RASGRF1: variants seen among roughly 807,000 people sequenced by gnomAD.
The protein encoded by RASGRF1 is ras-specific guanine nucleotide-releasing factor 1.
In RASGRF1, 40 loss-of-function variants were observed where a neutral mutation model predicts 138.7. The ratio of observed to expected loss-of-function variants is 0.29; its 90% CI spans 0.22 to 0.38. RASGRF1 has a LOEUF of 0.38. RASGRF1 is among the 10% of genes least tolerant of loss of function. The pLI, the probability that RASGRF1 is intolerant of heterozygous loss-of-function variation, is 1.00. For synonymous variants in RASGRF1, 614 were observed against 663.2 expected, an observed-to-expected ratio of 0.93 and a Z score of 1.14; for missense variants, 1,108 against 1,650.4, an observed-to-expected ratio of 0.67 and a Z score of 5.69.
At chr15:79,033,336 G>A (rs778725679) in intron 6 of RASGRF1, among the ~76,000 whole-genome samples, 41 of 151,726 alleles carry the variant, frequency 2.7e-4, no homozygotes, top group Admixed American at 1.6e-3. Context: ...TCTGCCTCCC[G>A]TGTTCAAGTG....
intron 24 of RASGRF1, chr15:78,980,286 G>C (rs2055993671): frequency 2.1e-5 from 4 of 194,140 alleles, no homozygotes; most frequent in Middle Eastern, 3.8e-3. Context: ...GACGTCTCCT[G>C]ATGTCAGAAT....
intron 8 of RASGRF1, among the ~76,000 whole-genome samples, chr15:79,028,499 C>T (rs751455841): frequency 3.9e-5 from 6 of 152,072 alleles, no homozygotes; most frequent in Non-Finnish European, 8.8e-5. Flanking sequence ...ATAGACAACT[C>T]CCCTATTTCG....
At chr15:79,078,239 G>GC (rs775674069) in intron 1 of RASGRF1, among the ~76,000 whole-genome samples, 6 of 151,066 alleles carry the variant, frequency 4.0e-5, no homozygotes, top group East Asian at 3.9e-4. Context: ...ACCCATATAG[G>GC]CCCCCCCGGC....
At chr15:79,079,997 G>C (rs931740884) in intron 1 of RASGRF1, among the ~76,000 whole-genome samples, 1 of 152,194 alleles carries the variant, frequency 6.6e-6, no homozygotes, top group East Asian at 1.9e-4. Flanking sequence ...ACTCATGGGG[G>C]CATGCCCTAT....
intron 5 of RASGRF1, among the ~76,000 whole-genome samples, chr15:79,045,048 C>CA (rs1320713220): frequency 2.6e-5 from 4 of 151,950 alleles, no homozygotes; most frequent in South Asian, 2.1e-4. Flanking sequence ...GCCTAAAATG[C>CA]AAAAAAAGCA....
At chr15:79,015,260 GGCTGTC>G in intron 13 of RASGRF1, 61 bp downstream of exon 13, 1 of 1,488,662 alleles carries the variant, frequency 6.7e-7, no homozygotes. Flanking sequence ...CCAGTGTCCT[GGCTGTC>G]ACCTTGTGGT....
At chr15:79,011,597 A>G (rs1283947075) in intron 13 of RASGRF1, among the ~76,000 whole-genome samples, 4 of 152,192 alleles carry the variant, frequency 2.6e-5, no homozygotes, top group Non-Finnish European at 5.9e-5. Flanking sequence ...ACTGACGGCT[A>G]CAGCTGTGGC....
chr15:79,038,160 A>T (rs1440256390), intron 5 of RASGRF1, among the ~76,000 whole-genome samples: 1 of 151,986 alleles, frequency 6.6e-6, no homozygotes, highest in Non-Finnish European at 1.5e-5. Context: ...GGGATTGGGG[A>T]CCCCTGATAT....
At chr15:79,018,859 G>A (rs2056918256) in intron 11 of RASGRF1, among the ~76,000 whole-genome samples, 1 of 152,090 alleles carries the variant, frequency 6.6e-6, no homozygotes, top group South Asian at 2.1e-4. Context: ...AGAGTTTTGG[G>A]GCCTGACAGT....
intron 2 of RASGRF1, 106 bp downstream of exon 2, chr15:79,064,314 T>C: frequency 9.6e-7 from 1 of 1,040,332 alleles, no homozygotes; most frequent in African/African-American, 1.6e-5. Flanking sequence ...TCCTTTCCCA[T>C]GCCCTCCACT....
In RASGRF1 at chr15:79,031,976, T is replaced by C. The variant is rs971070521; in HGVS notation, c.1152+147A>G. On this transcript the variant is annotated intron_variant, in intron 7 of 26. Transcript: ENST00000558480. ...CAGTCAGCTTGCCCTGCACCCAGCA[T>C]TGTCGGCTGCTGGCCCTGACCACCT... 21 of 991,854 alleles carry C rather than the reference T, an allele frequency of 2.1e-5. 1 individual carries two copies. In the East Asian group the frequency reaches 5.3e-4, roughly 25 times the overall value. The allele number at this position is 991,854 out of a possible 1,614,324, so 61.4% of individuals were successfully genotyped here. A position where few individuals can be genotyped will look rare whatever the true frequency, so the allele number is the denominator to read the frequency against.
chr15:78,971,987 C>T, intron 25 of RASGRF1, 53 bp from the exon 26 acceptor site: 4 of 1,468,786 alleles, frequency 2.7e-6, no homozygotes, highest in Non-Finnish European at 3.8e-6. Context: ...TAGTTCCACC[C>T]CCAACTTTGC....
At position 78,973,122 on chromosome 15, in the gene RASGRF1, A is replaced by G. The variant is rs2055802740; in HGVS notation, c.3612+181T>C. ...GTGAAAGCATGGCTCAGGGCCTGCC[A>G]GATTCTAACTGCTCATCAATGATAG... On this transcript the variant is annotated intron_variant, in intron 25 of 26. Transcript: ENST00000558480. This position sits in a 1 kb window ranked among gnomAD's most constrained non-coding sequence, Gnocchi z 4.9. 6.6e-6 allele frequency among the ~76,000 whole-genome samples: 1 copy of G among 152,154 alleles called. No individual in the cohort carries two copies. Among genetic ancestry groups the G allele is most frequent in the Admixed American group, 6.5e-5 (1 of 15,280 alleles).
At chr15:79,048,252 C>T (rs1054950196) in intron 4 of RASGRF1, among the ~76,000 whole-genome samples, 1 of 152,100 alleles carries the variant, frequency 6.6e-6, no homozygotes, top group Non-Finnish European at 1.5e-5. Flanking sequence ...GTGCGTGAGG[C>T]TAGCTGGGGG....
intron 11 of RASGRF1, among the ~76,000 whole-genome samples, chr15:79,019,298 T>C (rs2056925254): frequency 6.6e-6 from 1 of 152,122 alleles, no homozygotes; most frequent in Admixed American, 6.5e-5. Context: ...GGGAAATGAG[T>C]GCCAACTTTG....
chr15:79,075,368 G>C (rs1265387486), intron 1 of RASGRF1, among the ~76,000 whole-genome samples: 1 of 152,148 alleles, frequency 6.6e-6, no homozygotes, highest in Non-Finnish European at 1.5e-5. Flanking sequence ...GGCGGTGCCT[G>C]AGCTCCAGCG....
chr15:79,027,723 A>T lies in RASGRF1; in HGVS notation c.1381+18T>A. 2 of 1,610,564 alleles carry T rather than the reference A, an allele frequency of 1.2e-6. No individual in the cohort carries two copies. Among genetic ancestry groups the T allele is most frequent in the South Asian group, 2.2e-5 (2 of 90,936 alleles). The stretch of plus-strand genomic sequence containing the variant: ...CCCACCTGGTGGGGGCAGGGGAGAC[A>T]GGGTGCAGAGGCCATACCTTGTCTC... On this transcript the variant is annotated intron_variant, in intron 9 of 26. Coordinates refer to ENST00000558480, the MANE Select transcript of RASGRF1 (RefSeq NM_001145648.3). This position sits in a 1 kb window ranked among gnomAD's most constrained non-coding sequence, Gnocchi z 4.8.
intron 26 of RASGRF1, among the ~76,000 whole-genome samples, chr15:78,967,327 C>T (rs2055663216): frequency 6.6e-6 from 1 of 152,110 alleles, no homozygotes; most frequent in Non-Finnish European, 1.5e-5. Flanking sequence ...AGGCAGATCA[C>T]TTGAGGCCAG....
chr15:78,974,173 G>A (rs67674051), intron 24 of RASGRF1, among the ~76,000 whole-genome samples: 13,148 of 152,190 alleles, frequency 0.086, 765 homozygotes, highest in Non-Finnish European at 0.13. Context: ...CCCTTGGCTC[G>A]GTGCTGGGTA....
Sources: allele counts gnomAD v4.1 joint callset (sites outside exome capture counted in the v4.1 genomes callset), GRCh38; gene constraint gnomAD v4.1.1; non-coding constraint Gnocchi (gnomAD v3.1); transcripts MANE v1.5; gene names NCBI Gene and HGNC (gene_info 2026-07-23, HGNC 2026-07-21).